The following PRDM16 variants were observed in gnomAD, a reference collection of about 807,000 sequenced individuals.
PRDM16 encodes the protein histone-lysine N-methyltransferase PRDM16.
PRDM16 carries 23 observed loss-of-function variants against 110.6 expected under a neutral mutation model. The ratio of observed to expected loss-of-function variants is 0.21; its 90% CI spans 0.15 to 0.29. The LOEUF is 0.29. Among genes scored for constraint, PRDM16 ranks in the 10% least tolerant of loss-of-function variants. The pLI is 1.00. For synonymous variants in PRDM16, 799 were observed against 781.8 expected, an observed-to-expected ratio of 1.02 and a Z score of -0.37; for missense variants, 1,615 against 1,794.3, an observed-to-expected ratio of 0.90 and a Z score of 1.81.
Position 3,425,802 on chromosome 1 carries a change from C to A in PRDM16, c.3109+52C>A. The A allele has an allele frequency of 6.2e-7, 1 of 1,602,328 alleles. No individual in the cohort carries two copies. Among genetic ancestry groups the A allele is most frequent in the Non-Finnish European group, 8.5e-7 (1 of 1,172,530 alleles). On this transcript the variant is annotated intron_variant, in intron 13 of 16. Coordinates refer to ENST00000270722, the MANE Select transcript of PRDM16 (RefSeq NM_022114.4). The surrounding 1 kb of genome is among the most constrained non-coding windows in gnomAD (Gnocchi z 6.9). ...CCAGAGCACCCACACGGGCAGGCCC[C>A]ACAGAGGGGGAGGGGGAACAGCAGG...
At position 3,373,191 on chromosome 1, in the gene PRDM16, A is replaced by C. The variant is rs189976737; in HGVS notation, c.439-11961A>C. 1.9e-3 allele frequency among the ~76,000 whole-genome samples: 285 copies of C among 152,262 alleles called. 1 individual carries two copies. Among genetic ancestry groups the C allele is most frequent in the Non-Finnish European group, 3.0e-3 (206 of 68,002 alleles). ...GGGGGTTAGGGGAGCCGGCTTCTGC[A>C]TGCGAGCTCCACGGGACAGTCTCAG... On this transcript the variant is annotated intron_variant, in intron 3 of 16. Coordinates refer to ENST00000270722, the MANE Select transcript of PRDM16 (RefSeq NM_022114.4).
At chr1:3,202,632 T>C (rs1344963322) in intron 2 of PRDM16, among the ~76,000 whole-genome samples, 1 of 152,260 alleles carries the variant, frequency 6.6e-6, no homozygotes, top group Non-Finnish European at 1.5e-5. Flanking sequence ...GTGTGCCTTC[T>C]GCATGCTCCT....
intron 3 of PRDM16, among the ~76,000 whole-genome samples, chr1:3,349,836 C>T (rs546430805): frequency 1.3e-5 from 2 of 152,352 alleles, no homozygotes; most frequent in African/African-American, 4.8e-5. Flanking sequence ...TGAGGAGCCT[C>T]CAGCCCTCAG....
chr1:3,204,784 C>G lies in PRDM16; in HGVS notation c.387+18310C>G, dbSNP rs578085822. 9.2e-3 allele frequency among the ~76,000 whole-genome samples: 1,399 copies of G among 152,322 alleles called. 6 individuals are homozygous for G. Among genetic ancestry groups the G allele is most frequent in the Non-Finnish European group, 0.013 (887 of 68,038 alleles). On this transcript the variant is annotated intron_variant, in intron 2 of 16. Transcript: ENST00000270722. Reference sequence around the variant, plus strand: ...GCTGTGGGTTGCTCACCCTTGAAGGCCCTTGGGAGTGAAATTCAAAAACGA... The same window carrying G: ...GCTGTGGGTTGCTCACCCTTGAAGGGCCTTGGGAGTGAAATTCAAAAACGA...
At chr1:3,421,278 C>T (rs1332203604) in intron 12 of PRDM16, among the ~76,000 whole-genome samples, 1 of 152,274 alleles carries the variant, frequency 6.6e-6, no homozygotes, top group East Asian at 1.9e-4. Context: ...GGCCACCCCC[C>T]CTGACCTGCC....
chr1:3,095,809 C>T (rs946011595), intron 1 of PRDM16, among the ~76,000 whole-genome samples: 7 of 152,162 alleles, frequency 4.6e-5, no homozygotes, highest in African/African-American at 1.4e-4. Context: ...CCTTGGAATG[C>T]CCTGGGGGCT....
At chr1:3,159,303 C>T (rs889789837) in intron 1 of PRDM16, among the ~76,000 whole-genome samples, 14 of 152,248 alleles carry the variant, frequency 9.2e-5, no homozygotes, top group Middle Eastern at 3.2e-3. Flanking sequence ...GCCGCCATCA[C>T]GATGCGCCTC....
At chr1:3,327,684 T>G (rs1038836058) in intron 3 of PRDM16, among the ~76,000 whole-genome samples, 4 of 151,752 alleles carry the variant, frequency 2.6e-5, no homozygotes, top group Non-Finnish European at 5.9e-5. Context: ...GATGATGGCG[T>G]GCGGGTACTA....
At chr1:3,233,131 G>T (rs998956624) in intron 2 of PRDM16, among the ~76,000 whole-genome samples, 1 of 152,212 alleles carries the variant, frequency 6.6e-6, no homozygotes, top group African/African-American at 2.4e-5. Context: ...GGAGATGCTG[G>T]TGCAGAGCCC....
chr1:3,293,305 C>G (rs1389342534), intron 3 of PRDM16, among the ~76,000 whole-genome samples: 1 of 152,246 alleles, frequency 6.6e-6, no homozygotes, highest in Non-Finnish European at 1.5e-5. Context: ...CAGCGAGACC[C>G]TGTCCAGGTC....
chr1:3,217,865 C>T (rs1023227401), intron 2 of PRDM16, among the ~76,000 whole-genome samples: 1 of 152,218 alleles, frequency 6.6e-6, no homozygotes, highest in African/African-American at 2.4e-5. Context: ...TCGCTCACTC[C>T]CAACTCTGCT....
In PRDM16 at chr1:3,437,823, A is replaced by C. The variant is rs1638949408; in HGVS notation, c.*4012A>C. On this transcript the variant is annotated 3_prime_UTR_variant, in exon 17 of 17. Transcript: ENST00000270722. ...TGTGATTCACTTGTGAACAAAAGTC[A>C]TTCTAACAATTGCCTTCAGCGTCAC... The C allele has an allele frequency of 4.6e-6, 1 of 217,384 alleles. No individual in the cohort carries two copies. Among genetic ancestry groups the C allele is most frequent in the South Asian group, 1.9e-4 (1 of 5,380 alleles). 13.5% of individuals were successfully genotyped at this position (217,384 alleles called of 1,614,324 possible).
rs1472424823 is a variant in PRDM16, at chr1:3,418,746, T to TA, written c.2939+3dup. 2 of 1,612,260 alleles carry TA rather than the reference T, an allele frequency of 1.2e-6. No homozygotes were observed. The highest frequency in any genetic ancestry group is 1.7e-6 in the Non-Finnish European group (2 of 1,178,876). Reference sequence around the variant, plus strand: ...GCACACTGGGGAGCAGCCGTACAGGTAGGTGCTGCGTGGGCTGGGTGTGGG... The same window carrying TA: ...GCACACTGGGGAGCAGCCGTACAGGTAAGGTGCTGCGTGGGCTGGGTGTGGG... On this transcript the variant is annotated splice_region_variant and intron_variant, in intron 12 of 16. Coordinates refer to ENST00000270722, the MANE Select transcript of PRDM16 (RefSeq NM_022114.4).
intron 3 of PRDM16, among the ~76,000 whole-genome samples, chr1:3,316,149 G>T (rs2100433965): frequency 6.6e-6 from 1 of 151,936 alleles, no homozygotes; most frequent in South Asian, 2.1e-4. Context: ...GAGGGCGGGT[G>T]GGGGCGGGAG....
In PRDM16 at chr1:3,435,693, C is replaced by T. The variant is rs1346073352; in HGVS notation, c.*1882C>T. ...ACATCTCCTCAGGCTTTGTGTCACG[C>T]GTGGACATCTCCTCAGGCTGTCCCC... On this transcript the variant is annotated 3_prime_UTR_variant, in exon 17 of 17. Transcript: ENST00000270722. 1 of 232,646 alleles carries T rather than the reference C, an allele frequency of 4.3e-6. No homozygotes were observed. The highest frequency in any genetic ancestry group is 8.5e-6 in the Non-Finnish European group (1 of 117,734). The allele number at this position is 232,646 out of a possible 1,614,324, so 14.4% of individuals were successfully genotyped here.
intron 5 of PRDM16, among the ~76,000 whole-genome samples, chr1:3,400,171 T>G (rs1430034191): frequency 6.6e-6 from 1 of 152,260 alleles, no homozygotes; most frequent in Non-Finnish European, 1.5e-5. Context: ...GCAGGCCCAC[T>G]GCTCCACCTC....
chr1:3,221,392 T>C (rs12075867), intron 2 of PRDM16, among the ~76,000 whole-genome samples: 14,609 of 152,262 alleles, frequency 0.096, 945 homozygotes, highest in African/African-American at 0.18. Flanking sequence ...GGGACTTTTT[T>C]CCAGAAGATG....
At chr1:3,135,947 G>A (rs1046990920) in intron 1 of PRDM16, among the ~76,000 whole-genome samples, 7 of 152,030 alleles carry the variant, frequency 4.6e-5, no homozygotes, top group African/African-American at 7.2e-5. Flanking sequence ...CGGCCTGGGC[G>A]CCCGGCTGGG....
At chr1:3,118,114 C>CGT (rs754061106) in intron 1 of PRDM16, among the ~76,000 whole-genome samples, 1 of 127,712 alleles carries the variant, frequency 7.8e-6, no homozygotes, top group African/African-American at 2.8e-5. Context: ...TGTGTGTGTG[C>CGT]GTGTGCGTGT....
Sources: gnomAD v4.1 joint callset for allele counts (sites outside exome capture counted in the v4.1 genomes callset) on GRCh38, gnomAD v4.1.1 for gene constraint, Gnocchi (gnomAD v3.1) non-coding constraint, MANE v1.5 for transcripts, NCBI Gene and HGNC (gene_info 2026-07-23, HGNC 2026-07-21) for gene names.